Variants in ITGA4 observed in about 807,000 individuals in gnomAD.
The protein encoded by ITGA4 is integrin subunit alpha 4.
ITGA4 carries 63 observed loss-of-function variants against 133.6 expected under a neutral mutation model. The observed-to-expected ratio is 0.47, with a 90% CI of 0.38 to 0.58. ITGA4 has a LOEUF of 0.58. Among genes scored for constraint, ITGA4 ranks in the 20% least tolerant of loss-of-function variants. ITGA4 has a pLI of 0.00. For synonymous variants in ITGA4, 483 were observed against 438.0 expected, an observed-to-expected ratio of 1.10 and a Z score of -1.28; for missense variants, 1,076 against 1,252.7, an observed-to-expected ratio of 0.86 and a Z score of 2.13.
chr2:181,530,561 G>A lies in ITGA4; in HGVS notation c.2576G>A (p.Arg859Lys). Residue 859 changes from arginine (R) to lysine (K), a missense_variant, in exon 24 of 28, where the codon AGA becomes AAA. Physicochemically the swap from Arg to Lys is conservative, Grantham distance 26. This residue lies in a region of ITGA4 where 365 missense variants were observed against 421.4 expected (regional missense o/e 0.87). Coordinates refer to ENST00000397033, the MANE Select transcript of ITGA4 (RefSeq NM_000885.6). ...TGECHFENYQ[R>K]VCALEQQKSA... ...GAATGCCACTTTGAAAATTATCAAAGAGTGTGTGCATTAGAGCAGCAAAAG... is the reference window on the plus strand; with the variant it reads ...GAATGCCACTTTGAAAATTATCAAAAAGTGTGTGCATTAGAGCAGCAAAAG... 6.2e-7 allele frequency: 1 copy of A among 1,613,282 alleles called. No homozygotes were observed. The highest frequency in any genetic ancestry group is 8.5e-7 in the Non-Finnish European group (1 of 1,179,352).
rs138320971 is a variant in ITGA4 at position 181,524,301 on chromosome 2, A to AG, written c.2249+59dup. On this transcript the variant is annotated intron_variant, in intron 20 of 27. Coordinates refer to ENST00000397033, the MANE Select transcript of ITGA4 (RefSeq NM_000885.6). ...ACTAGAAATATACCCCCATATTCTG[A>AG]GGGGGGGGAATTAGGAGAACCGTAA... 1.9e-3 allele frequency: 1,935 copies of AG among 1,005,866 alleles called. 3 individuals carry two copies. Among genetic ancestry groups the AG allele is most frequent in the Middle Eastern group, 2.1e-3 (10 of 4,738 alleles). The allele number at this position is 1,005,866 out of a possible 1,614,324, so 62.3% of individuals were successfully genotyped here.
chr2:181,461,712 A>G (rs1685284372), intron 2 of ITGA4, among the ~76,000 whole-genome samples: 1 of 152,194 alleles, frequency 6.6e-6, no homozygotes, highest in Admixed American at 6.5e-5. Context: ...ATGTTTCCAG[A>G]TCTTTCATTA....
At chr2:181,468,419 T>C (rs1685474072) in intron 2 of ITGA4, among the ~76,000 whole-genome samples, 1 of 152,168 alleles carries the variant, frequency 6.6e-6, no homozygotes, top group African/African-American at 2.4e-5. Context: ...TATAATGTAT[T>C]TCAAAATTCC....
Position 181,485,965 on chromosome 2 carries a change from G to A in ITGA4, c.1126G>A (p.Gly376Ser). 1 of 1,597,546 alleles carries A rather than the reference G, an allele frequency of 6.3e-7. No individual in the cohort carries two copies. Among genetic ancestry groups the A allele is most frequent in the Non-Finnish European group, 8.5e-7 (1 of 1,175,832 alleles). Residue 376 changes from glycine (G) to serine (S), a missense_variant, in exon 10 of 28, where the codon GGC becomes AGC. This residue lies in a region of ITGA4 where 436 missense variants were observed against 590.7 expected (regional missense o/e 0.74). Transcript: ENST00000397033. ...ARFGESIVNLGDIDNDGFEDV... is the reference protein window; with the variant it reads ...ARFGESIVNLSDIDNDGFEDV... ...ATTTGGGGAATCTATAGTTAATCTT[G>A]GCGACATTGACAATGATGGCTTTGA...
At chr2:181,463,489 G>GA (rs1276291614) in intron 2 of ITGA4, among the ~76,000 whole-genome samples, 1 of 150,940 alleles carries the variant, frequency 6.6e-6, no homozygotes, top group Non-Finnish European at 1.5e-5. Flanking sequence ...TAGCAGTGGA[G>GA]AAGAACATGG....
chr2:181,509,218 A>C (rs1178020334), intron 15 of ITGA4, among the ~76,000 whole-genome samples: 1 of 151,542 alleles, frequency 6.6e-6, no homozygotes, highest in Non-Finnish European at 1.5e-5. Flanking sequence ...CTGGAGTCAA[A>C]TGAATCAAAT....
At chr2:181,507,739 T>C (rs1686422768) in intron 15 of ITGA4, among the ~76,000 whole-genome samples, 2 of 152,146 alleles carry the variant, frequency 1.3e-5, no homozygotes, top group African/African-American at 2.4e-5. Flanking sequence ...TGTTATACTG[T>C]ATTAGTTAGG....
rs938320040 is a variant in ITGA4 at position 181,516,269 on chromosome 2, C to T, written c.1922+4494C>T. On this transcript the variant is annotated intron_variant, in intron 17 of 27. Transcript: ENST00000397033. This position sits in a 1 kb window ranked among gnomAD's most constrained non-coding sequence, Gnocchi z 4.0. ...TTTCCCTGAACAATTGCTTCTGTAT[C>T]TGCTAGGAATACTTTTAATTGCAAG... 6.6e-6 allele frequency among the ~76,000 whole-genome samples: 1 copy of T among 152,040 alleles called. No homozygotes were observed. The highest frequency in any genetic ancestry group is 2.4e-5 in the African/African-American group (1 of 41,418).
rs1182689998 is a variant in ITGA4 at position 181,536,594 on chromosome 2, A to AAATTT, written c.*1070_*1074dup. 1 of 162,284 alleles carries AAATTT rather than the reference A, an allele frequency of 6.2e-6. No homozygotes were observed. Among genetic ancestry groups the AAATTT allele is most frequent in the African/African-American group, 2.8e-5 (1 of 36,320 alleles). The allele number at this position is 162,284 out of a possible 1,614,324, so 10.1% of individuals were successfully genotyped here. A position where few individuals can be genotyped will look rare whatever the true frequency, so the allele number is the denominator to read the frequency against. On this transcript the variant is annotated 3_prime_UTR_variant, in exon 28 of 28. Coordinates refer to ENST00000397033, the MANE Select transcript of ITGA4 (RefSeq NM_000885.6). ...ATGGAAACGAAGAAACAAAATTCATAAATTTAAATTCATAAATTTAGCTGA... is the reference window on the plus strand; with the variant it reads ...ATGGAAACGAAGAAACAAAATTCATAAATTTAATTTAAATTCATAAATTTAGCTGA...
chr2:181,488,760 G>A (rs1395165008), intron 10 of ITGA4, among the ~76,000 whole-genome samples: 1 of 151,924 alleles, frequency 6.6e-6, no homozygotes, highest in South Asian at 2.1e-4. Flanking sequence ...GGGTTTCACT[G>A]TGTTAACCAG....
intron 12 of ITGA4, 77 bp downstream of exon 12, chr2:181,494,889 A>C: frequency 1.3e-6 from 1 of 761,976 alleles, no homozygotes; most frequent in Non-Finnish European, 2.3e-6. Flanking sequence ...GAAGTACGTA[A>C]AACTGGTATG....
Position 181,489,565 on chromosome 2 carries a change from A to G in ITGA4, c.1153+3573A>G, listed in dbSNP as rs569476190. ...GTCTGAATATTTTTAGAGCAGAACC[A>G]TAACAAGTTCTACAATTGTAAATTA... On this transcript the variant is annotated intron_variant, in intron 10 of 27. Coordinates refer to ENST00000397033, the MANE Select transcript of ITGA4 (RefSeq NM_000885.6). Among the ~76,000 whole-genome samples the G allele has an allele frequency of 2.0e-5, 3 of 152,318 alleles. No individual in the cohort carries two copies. The East Asian group carries it at 5.8e-4, about 29-fold the overall frequency.
chr2:181,531,600 T>A (rs1686946833), intron 24 of ITGA4, 57 bp from the exon 25 acceptor site: 8 of 1,004,608 alleles, frequency 8.0e-6, no homozygotes, highest in Admixed American at 2.5e-5. Context: ...TAAAATATTT[T>A]AAAAATATTT....
Position 181,494,713 on chromosome 2 carries a change from A to G in ITGA4, c.1249-9A>G, listed in dbSNP as rs955772671. ...AAACTACTTCCCACTCAACTTTCCT[A>G]TTTTTCAGAGAATTGAAGGACTTCA... On this transcript the variant is annotated splice_polypyrimidine_tract_variant and intron_variant, in intron 11 of 27. Coordinates refer to ENST00000397033, the MANE Select transcript of ITGA4 (RefSeq NM_000885.6). The G allele has an allele frequency of 7.3e-6, 11 of 1,515,250 alleles. No individual in the cohort carries two copies. The highest frequency in any genetic ancestry group is 1.4e-5 in the African/African-American group (1 of 72,948). 93.9% of individuals were successfully genotyped at this position (1,515,250 alleles called of 1,614,324 possible). A position where few individuals can be genotyped will look rare whatever the true frequency, so the allele number is the denominator to read the frequency against.
chr2:181,535,493 G>A lies in ITGA4; in HGVS notation c.3065G>A (p.Trp1022Ter), dbSNP rs1208671367. ...CAAGAAGAAAACAGAAGAGACAGTT[G>A]GAGTTATATCAACAGTAAAAGCAAT... ...ILQEENRRDS[W>*]SYINSKSNDD Residue 1022 changes from tryptophan (W) to a stop codon, truncating the protein, a stop_gained, in exon 28 of 28, where the codon TGG (tryptophan) becomes TAG (stop). Coordinates refer to ENST00000397033, the MANE Select transcript of ITGA4 (RefSeq NM_000885.6). LOFTEE classifies it high-confidence loss of function. 4.3e-6 allele frequency: 7 copies of A among 1,609,506 alleles called. No individual in the cohort carries two copies. Among genetic ancestry groups the A allele is most frequent in the South Asian group, 1.1e-5 (1 of 90,440 alleles).
At chr2:181,522,118 T>A in intron 17 of ITGA4, 73 bp from the exon 18 acceptor site, 1 of 814,074 alleles carries the variant, frequency 1.2e-6, no homozygotes, top group Non-Finnish European at 1.9e-6. Flanking sequence ...TATACATATA[T>A]CCTTGTATGC....
intron 2 of ITGA4, chr2:181,459,039 G>A (rs1375493): frequency 0.56 from 84,626 of 152,070 alleles, 23,926 homozygotes; most frequent in South Asian, 0.6. Flanking sequence ...TGGGGAAAGA[G>A]GAAGGAATAT....
chr2:181,537,835 A>G lies in ITGA4; in HGVS notation c.*2308A>G. On this transcript the variant is annotated 3_prime_UTR_variant, in exon 28 of 28. Transcript: ENST00000397033. ...CTAGAGGCTAATTGTTAGTAACATC[A>G]ATTTCTATTAGGATATCCGTTTGGC... 2.1e-6 allele frequency: 1 copy of G among 487,344 alleles called. No homozygotes were observed. Among genetic ancestry groups the G allele is most frequent in the Non-Finnish European group, 4.0e-6 (1 of 249,026 alleles). The allele number at this position is 487,344 out of a possible 1,614,324, so 30.2% of individuals were successfully genotyped here. A position where few individuals can be genotyped will look rare whatever the true frequency, so the allele number is the denominator to read the frequency against.
At chr2:181,482,023 A>T (rs1685816090) in intron 7 of ITGA4, among the ~76,000 whole-genome samples, 2 of 152,154 alleles carry the variant, frequency 1.3e-5, no homozygotes, top group Admixed American at 1.3e-4. Context: ...AAAGAAGGAA[A>T]TATTATTCCT....
Sources: allele counts gnomAD v4.1 joint callset (sites outside exome capture counted in the v4.1 genomes callset), GRCh38; gene constraint gnomAD v4.1.1; regional missense constraint gnomAD v4.1.1; non-coding constraint Gnocchi (gnomAD v3.1); transcripts MANE v1.5; gene names NCBI Gene and HGNC (gene_info 2026-07-23, HGNC 2026-07-21).